The following CCDC184 variants were observed in gnomAD, a reference collection of about 807,000 sequenced individuals.
CCDC184 encodes coiled-coil domain containing 184.
Under a neutral mutation model 10.4 loss-of-function variants are expected in CCDC184, and 11 were observed. The ratio of observed to expected loss-of-function variants is 1.06; its 90% CI spans 0.67 to 1.75. The LOEUF is 1.75. Ranked by LOEUF, CCDC184 falls within the 40% of genes most tolerant of loss-of-function variation. CCDC184 has a pLI of 0.00. For missense variants in CCDC184, 264 were observed against 267.9 expected (o/e 0.99, Z 0.10); for synonymous variants, 102 against 116.1 (o/e 0.88, Z 0.78).
Position 48,184,325 on chromosome 12 carries a change from A to C in CCDC184, c.203A>C (p.Gln68Pro). ...GCCATGAGGGGGGCCCTGGACGAGC[A>C]GGCCTCGCACATCCAGGTGCTCTCG... The part of the protein sequence containing the change: ...VRAMRGALDE[Q>P]ASHIQVLSDD... The change falls in exon 1 of 1, where the codon CAG becomes CCG. Residue 68 changes from glutamine (Q) to proline (P), a missense_variant. Coordinates refer to ENST00000316554, the MANE Select transcript of CCDC184 (RefSeq NM_001013635.4). 2 of 1,614,148 alleles carry C rather than the reference A, an allele frequency of 1.2e-6. No individual in the cohort carries two copies. The highest frequency in any genetic ancestry group is 1.7e-6 in the Non-Finnish European group (2 of 1,180,024).
Position 48,184,318 on chromosome 12 carries a change from G to A in CCDC184, c.196G>A (p.Asp66Asn). 1 of 1,614,064 alleles carries A rather than the reference G, an allele frequency of 6.2e-7. No homozygotes were observed. Among genetic ancestry groups the A allele is most frequent in the Non-Finnish European group, 8.5e-7 (1 of 1,179,956 alleles). The change falls in exon 1 of 1, where the codon GAC becomes AAC. Residue 66 changes from aspartate to asparagine, a missense_variant. Coordinates refer to ENST00000316554, the MANE Select transcript of CCDC184 (RefSeq NM_001013635.4). ...EDVRAMRGAL[D>N]EQASHIQVLS... ...CGTGAGGGCCATGAGGGGGGCCCTGGACGAGCAGGCCTCGCACATCCAGGT... is the reference window on the plus strand; with the variant it reads ...CGTGAGGGCCATGAGGGGGGCCCTGAACGAGCAGGCCTCGCACATCCAGGT...
rs1365826081 is a variant in CCDC184, at chr12:48,184,610, C to A, written c.488C>A (p.Pro163His). 2.5e-6 allele frequency: 4 copies of A among 1,569,168 alleles called. No homozygotes were observed. The highest frequency in any genetic ancestry group is 2.6e-6 in the Non-Finnish European group (3 of 1,157,738). Reference sequence around the variant, plus strand: ...AGTCACTGTGAGCGCCCCGAAAGCCCCTGTGCTGGTCTCCTTGGGGGGGAC... The same window carrying A: ...AGTCACTGTGAGCGCCCCGAAAGCCACTGTGCTGGTCTCCTTGGGGGGGAC... ...PSSHCERPES[P>H]CAGLLGGDGP... Residue 163 changes from proline to histidine, a missense_variant, in exon 1 of 1, where the codon CCC (proline) becomes CAC (histidine). Transcript: ENST00000316554.
In CCDC184 at chr12:48,185,768, C is replaced by G. The variant is rs1401405192; in HGVS notation, c.*1061C>G. On this transcript the variant is annotated 3_prime_UTR_variant, in exon 1 of 1. Coordinates refer to ENST00000316554, the MANE Select transcript of CCDC184 (RefSeq NM_001013635.4). Reference sequence around the variant, plus strand: ...GCTTTTCTCTCCCTCTTCCCCCAACCAGGGCATGGAGCATGTGGCTGTCCT... The same window carrying G: ...GCTTTTCTCTCCCTCTTCCCCCAACGAGGGCATGGAGCATGTGGCTGTCCT... 3 of 167,238 alleles carry G rather than the reference C, an allele frequency of 1.8e-5. No individual in the cohort carries two copies. The highest frequency in any genetic ancestry group is 7.2e-5 in the African/African-American group (3 of 41,416). 10.4% of individuals were successfully genotyped at this position (167,238 alleles called of 1,614,324 possible). A position where few individuals can be genotyped will look rare whatever the true frequency, so the allele number is the denominator to read the frequency against.
Position 48,184,945 on chromosome 12 carries a change from A to G in CCDC184, c.*238A>G. 2.0e-6 allele frequency: 1 copy of G among 508,774 alleles called. No homozygotes were observed. Among genetic ancestry groups the G allele is most frequent in the Non-Finnish European group, 3.6e-6 (1 of 278,030 alleles). The allele number at this position is 508,774 out of a possible 1,614,324, so 31.5% of individuals were successfully genotyped here. On this transcript the variant is annotated 3_prime_UTR_variant, in exon 1 of 1. Transcript: ENST00000316554. The stretch of plus-strand genomic sequence containing the variant: ...AACTGCGGAAAGGTGAGGCTCCGGG[A>G]GAGGAAGCGCCCATCTCTGGACTCC...
Position 48,183,853 on chromosome 12 carries a change from C to G in CCDC184, c.-270C>G, listed in dbSNP as rs900223086. On this transcript the variant is annotated 5_prime_UTR_variant, in exon 1 of 1. Transcript: ENST00000316554. Reference sequence around the variant, plus strand: ...CCGGGAGGCGAGGCAGGGCAGGGCACTTTCGTCCCGGGGCGATCCCAAGAG... The same window carrying G: ...CCGGGAGGCGAGGCAGGGCAGGGCAGTTTCGTCCCGGGGCGATCCCAAGAG... The G allele has an allele frequency of 2.1e-6, 1 of 472,536 alleles. No homozygotes were observed. Among genetic ancestry groups the G allele is most frequent in the African/African-American group, 2.0e-5 (1 of 50,372 alleles). 29.3% of individuals were successfully genotyped at this position (472,536 alleles called of 1,614,324 possible).
rs763813229 is a variant in CCDC184, at chr12:48,184,529, A to T, written c.407A>T (p.Glu136Val). ...GDSGLLGRDP[E>V]DEEEEEEEKE... The stretch of plus-strand genomic sequence containing the variant: ...AGCGGCTTGCTGGGTCGCGATCCCG[A>T]GGACGAGGAGGAAGAGGAAGAAGAG... Residue 136 changes from glutamate (E) to valine (V), a missense_variant, in exon 1 of 1, where the codon GAG (glutamate) becomes GTG (valine). Coordinates refer to ENST00000316554, the MANE Select transcript of CCDC184 (RefSeq NM_001013635.4). 1.3e-6 allele frequency: 2 copies of T among 1,555,502 alleles called. No individual in the cohort carries two copies. Among genetic ancestry groups the T allele is most frequent in the Admixed American group, 3.8e-5 (2 of 52,758 alleles).
Position 48,184,740 on chromosome 12 carries a change from G to T in CCDC184, c.*33G>T. The T allele has an allele frequency of 1.3e-6, 2 of 1,535,470 alleles. No homozygotes were observed. Among genetic ancestry groups the T allele is most frequent in the Non-Finnish European group, 1.8e-6 (2 of 1,132,782 alleles). On this transcript the variant is annotated 3_prime_UTR_variant, in exon 1 of 1. Coordinates refer to ENST00000316554, the MANE Select transcript of CCDC184 (RefSeq NM_001013635.4). ...CCGTGGGGCACTACCTTCCCGGGCTGTCTTTGGGTTTCCGAGTGCATGACG... is the reference window on the plus strand; with the variant it reads ...CCGTGGGGCACTACCTTCCCGGGCTTTCTTTGGGTTTCCGAGTGCATGACG...
chr12:48,184,272 G>A lies in CCDC184; in HGVS notation c.150G>A (p.Gln50=). The change falls in exon 1 of 1, where the codon CAG becomes CAA. Residue 50 remains glutamine (Q), a synonymous_variant. Transcript: ENST00000316554. ...MKELMEHLKA[Q]LQALFEDVRA... is the part of the protein sequence containing the mutation. ...AACTGATGGAGCACCTGAAAGCCCA[G>A]CTGCAAGCCCTGTTTGAGGACGTGA... The A allele has an allele frequency of 6.2e-7, 1 of 1,614,132 alleles. No homozygotes were observed. Among genetic ancestry groups the A allele is most frequent in the Non-Finnish European group, 8.5e-7 (1 of 1,180,030 alleles).
chr12:48,184,196 T>G lies in CCDC184; in HGVS notation c.74T>G (p.Val25Gly), dbSNP rs1289768341. ...DMPAPLEVST[V>G]PAVGDVISGE... Reference sequence around the variant, plus strand: ...CCGGCGCCCCTGGAGGTGTCCACCGTGCCGGCAGTGGGGGACGTGATCTCC... The same window carrying G: ...CCGGCGCCCCTGGAGGTGTCCACCGGGCCGGCAGTGGGGGACGTGATCTCC... The change falls in exon 1 of 1, where the codon GTG (valine) becomes GGG (glycine). Residue 25 changes from valine (V) to glycine (G), a missense_variant. Physicochemically the swap from Val to Gly is moderately radical, Grantham distance 109. Transcript: ENST00000316554. 1 of 1,614,076 alleles carries G rather than the reference T, an allele frequency of 6.2e-7. No homozygotes were observed.
Position 48,184,064 on chromosome 12 carries a change from CA to C in CCDC184, c.-58del. The C allele has an allele frequency of 7.6e-7, 1 of 1,317,764 alleles. No homozygotes were observed. The highest frequency in any genetic ancestry group is 1.1e-6 in the Non-Finnish European group (1 of 937,560). The allele number at this position is 1,317,764 out of a possible 1,614,324, so 81.6% of individuals were successfully genotyped here. On this transcript the variant is annotated 5_prime_UTR_variant, in exon 1 of 1. Transcript: ENST00000316554. ...ACCTCTCCCCCTCCACCCCCTCCCC[CA>C]CCCCGGAGGCCGGGCTGGACGCGAC...
rs1226266173 is a variant in CCDC184, at chr12:48,184,318, G to C, written c.196G>C (p.Asp66His). 4 of 1,613,946 alleles carry C rather than the reference G, an allele frequency of 2.5e-6. No homozygotes were observed. The highest frequency in any genetic ancestry group is 3.4e-6 in the Non-Finnish European group (4 of 1,179,964). The change falls in exon 1 of 1, where the codon GAC becomes CAC. Residue 66 changes from aspartate (D) to histidine (H), a missense_variant. Asp to His is a moderately conservative substitution (Grantham distance 81). Coordinates refer to ENST00000316554, the MANE Select transcript of CCDC184 (RefSeq NM_001013635.4). Reference protein sequence around the residue: ...EDVRAMRGALDEQASHIQVLS... With the variant: ...EDVRAMRGALHEQASHIQVLS... ...CGTGAGGGCCATGAGGGGGGCCCTG[G>C]ACGAGCAGGCCTCGCACATCCAGGT...
Position 48,184,044 on chromosome 12 carries a change from T to TCCCCCCCCCCCC in CCDC184, c.-74_-73insCCCCCCCCCCCC. ...TCCCGCTAGCCCCTCCCGGGACCTCTCCCCCTCCACCCCCTCCCCCACCCC... is the reference window on the plus strand; with the variant it reads ...TCCCGCTAGCCCCTCCCGGGACCTCTCCCCCCCCCCCCCCCCCTCCACCCCCTCCCCCACCCC... On this transcript the variant is annotated 5_prime_UTR_variant, in exon 1 of 1. Transcript: ENST00000316554. The TCCCCCCCCCCCC allele has an allele frequency of 1.5e-5, 10 of 652,376 alleles. No homozygotes were observed. Among genetic ancestry groups the TCCCCCCCCCCCC allele is most frequent in the South Asian group, 5.2e-5 (3 of 57,588 alleles). The allele number at this position is 652,376 out of a possible 1,614,324, so 40.4% of individuals were successfully genotyped here. A position where few individuals can be genotyped will look rare whatever the true frequency, so the allele number is the denominator to read the frequency against.
At position 48,184,220 on chromosome 12, in the gene CCDC184, C is replaced by T. The variant is rs1472990655; in HGVS notation, c.98C>T (p.Ser33Phe). Residue 33 changes from serine (S) to phenylalanine (F), a missense_variant, in exon 1 of 1, where the codon TCC becomes TTC. By Grantham distance (155) the Ser-to-Phe change is radical. Transcript: ENST00000316554. ...GTGCCGGCAGTGGGGGACGTGATCT[C>T]CGGGGAGTACAACGGCGGCATGAAG... ...STVPAVGDVI[S>F]GEYNGGMKEL... 1 of 1,614,068 alleles carries T rather than the reference C, an allele frequency of 6.2e-7. No individual in the cohort carries two copies. The highest frequency in any genetic ancestry group is 1.7e-5 in the Admixed American group (1 of 60,030).
In CCDC184 at chr12:48,184,895, C is replaced by G. The variant is rs1029008605; in HGVS notation, c.*188C>G. 3.5e-6 allele frequency: 2 copies of G among 579,226 alleles called. No individual in the cohort carries two copies. Among genetic ancestry groups the G allele is most frequent in the Non-Finnish European group, 6.2e-6 (2 of 321,796 alleles). The allele number at this position is 579,226 out of a possible 1,614,324, so 35.9% of individuals were successfully genotyped here. The stretch of plus-strand genomic sequence containing the variant: ...ACTTTGGGAGCATCGAGAATTCTTT[C>G]TGCCCAACTAAGCGAATTATAGCGA... On this transcript the variant is annotated 3_prime_UTR_variant, in exon 1 of 1. Coordinates refer to ENST00000316554, the MANE Select transcript of CCDC184 (RefSeq NM_001013635.4).
Position 48,184,495 on chromosome 12 carries a change from A to G in CCDC184, c.373A>G (p.Ile125Val). 6.2e-7 allele frequency: 1 copy of G among 1,600,144 alleles called. No individual in the cohort carries two copies. Among genetic ancestry groups the G allele is most frequent in the South Asian group, 1.1e-5 (1 of 90,194 alleles). The change falls in exon 1 of 1, where the codon ATC (isoleucine) becomes GTC (valine). Residue 125 changes from isoleucine (I) to valine (V), a missense_variant. Ile to Val is a conservative substitution (Grantham distance 29). Transcript: ENST00000316554. Reference sequence around the variant, plus strand: ...AGAGCCGGAGACTCCTTCGCCTGGGATCGGGGACAGCGGCTTGCTGGGTCG... The same window carrying G: ...AGAGCCGGAGACTCCTTCGCCTGGGGTCGGGGACAGCGGCTTGCTGGGTCG... ...PQEPETPSPGIGDSGLLGRDP... is the reference protein window; with the variant it reads ...PQEPETPSPGVGDSGLLGRDP...
Position 48,185,069 on chromosome 12 carries a change from T to G in CCDC184, c.*362T>G. 4.9e-6 allele frequency: 1 copy of G among 205,824 alleles called. No individual in the cohort carries two copies. The highest frequency in any genetic ancestry group is 1.1e-5 in the Non-Finnish European group (1 of 93,606). The allele number at this position is 205,824 out of a possible 1,614,324, so 12.7% of individuals were successfully genotyped here. On this transcript the variant is annotated 3_prime_UTR_variant, in exon 1 of 1. Transcript: ENST00000316554. ...GCTTTTTCTATTCTGAAAAAGGACT[T>G]ACCTAGGACCATGGCAAATAATCTC... is the stretch of plus-strand genomic sequence containing the variant.
Position 48,184,069 on chromosome 12 carries a change from C to CCCGGGGCCCGG in CCDC184, c.-54_-53insCCGGGGCCCGG. On this transcript the variant is annotated 5_prime_UTR_variant, in exon 1 of 1. Coordinates refer to ENST00000316554, the MANE Select transcript of CCDC184 (RefSeq NM_001013635.4). Reference sequence around the variant, plus strand: ...TCCCCCTCCACCCCCTCCCCCACCCCGGAGGCCGGGCTGGACGCGACCCAG... The same window carrying CCCGGGGCCCGG: ...TCCCCCTCCACCCCCTCCCCCACCCCCCGGGGCCCGGGGAGGCCGGGCTGGACGCGACCCAG... 1 of 1,413,920 alleles carries CCCGGGGCCCGG rather than the reference C, an allele frequency of 7.1e-7. No individual in the cohort carries two copies. Among genetic ancestry groups the CCCGGGGCCCGG allele is most frequent in the Non-Finnish European group, 9.8e-7 (1 of 1,022,280 alleles). 87.6% of individuals were successfully genotyped at this position (1,413,920 alleles called of 1,614,324 possible).
rs149687484 is a variant in CCDC184, at chr12:48,184,193, C to T, written c.71C>T (p.Thr24Ile). The change falls in exon 1 of 1, where the codon ACC becomes ATC. Residue 24 changes from threonine to isoleucine, a missense_variant. Thr to Ile is a moderately conservative substitution (Grantham distance 89). Transcript: ENST00000316554. ...GDMPAPLEVS[T>I]VPAVGDVISG... ...ATGCCGGCGCCCCTGGAGGTGTCCA[C>T]CGTGCCGGCAGTGGGGGACGTGATC... 2.8e-3 allele frequency: 4,557 copies of T among 1,614,076 alleles called. 11 individuals are homozygous for T. Among genetic ancestry groups the T allele is most frequent in the Non-Finnish European group, 3.7e-3 (4,353 of 1,180,024 alleles).
chr12:48,184,925 C>T lies in CCDC184; in HGVS notation c.*218C>T, dbSNP rs1951492416. 3 of 534,592 alleles carry T rather than the reference C, an allele frequency of 5.6e-6. No homozygotes were observed. The highest frequency in any genetic ancestry group is 4.9e-4 in the Middle Eastern group (1 of 2,048). The allele number at this position is 534,592 out of a possible 1,614,324, so 33.1% of individuals were successfully genotyped here. ...CAACTAAGCGAATTATAGCGAACTG[C>T]GGAAAGGTGAGGCTCCGGGAGAGGA... On this transcript the variant is annotated 3_prime_UTR_variant, in exon 1 of 1. Transcript: ENST00000316554.
Sources: gnomAD v4.1 joint callset for allele counts on GRCh38, gnomAD v4.1.1 for gene constraint, MANE v1.5 for transcripts, NCBI Gene and HGNC (gene_info 2026-07-23, HGNC 2026-07-21) for gene names.